PDZRN3: variants seen among roughly 807,000 people sequenced by gnomAD.
PDZRN3 encodes E3 ubiquitin-protein ligase PDZRN3.
Under a neutral mutation model 85.7 loss-of-function variants are expected in PDZRN3, and 38 were observed. That is an observed-to-expected ratio of 0.44 (90% CI 0.34 to 0.58). The LOEUF (loss-of-function observed/expected upper bound fraction) is 0.58, where lower values mean the gene tolerates loss of function less well. Among genes scored for constraint, PDZRN3 ranks in the 20% least tolerant of loss-of-function variants. PDZRN3 has a pLI of 0.01. For missense variants in PDZRN3, 1,629 were observed against 1,506.4 expected, an observed-to-expected ratio of 1.08 and a Z score of -1.35; for synonymous variants, 759 against 638.0, an observed-to-expected ratio of 1.19 and a Z score of -2.86.
chr3:73,398,897 C>A (rs531099277), intron 5 of PDZRN3, among the ~76,000 whole-genome samples: 2 of 152,144 alleles, frequency 1.3e-5, no homozygotes, highest in South Asian at 4.2e-4. Context: ...ATAAAATTAC[C>A]GTAGTTTAAA....
chr3:73,595,582 C>A, intron 3 of PDZRN3, among the ~76,000 whole-genome samples: 2 of 152,144 alleles, frequency 1.3e-5, no homozygotes, highest in African/African-American at 4.8e-5. Flanking sequence ...ATTTGGTTTA[C>A]AGCATATTTT....
At chr3:73,452,839 C>CTCTGTGTGTGTGTG (rs1553690746) in intron 3 of PDZRN3, among the ~76,000 whole-genome samples, 12 of 140,618 alleles carry the variant, frequency 8.5e-5, no homozygotes, top group East Asian at 2.1e-4. Context: ...GTCCATATAT[C>CTCTGTGTGTGTGTG]TGTGTGTGTG....
At chr3:73,587,459 C>T (rs767879862) in intron 3 of PDZRN3, among the ~76,000 whole-genome samples, 14 of 152,088 alleles carry the variant, frequency 9.2e-5, no homozygotes, top group Admixed American at 2.0e-4. Flanking sequence ...GGCCGCACGA[C>T]GGACAAATGT....
Position 73,404,261 on chromosome 3 carries a change from A to G in PDZRN3, c.1053T>C (p.Ser351=), listed in dbSNP as rs1375694762. The G allele has an allele frequency of 6.2e-7, 1 of 1,614,094 alleles. No individual in the cohort carries two copies. The highest frequency in any genetic ancestry group is 8.5e-7 in the Non-Finnish European group (1 of 1,180,020). ...RTKMFTPPSE[S]QLVDTGTQTD... ...TTTGGGTTCCCGTGTCCACCAGCTGAGACTCTGATGGAGGCGTGAACATTT... is the reference window on the plus strand; with the variant it reads ...TTTGGGTTCCCGTGTCCACCAGCTGGGACTCTGATGGAGGCGTGAACATTT... The change falls in exon 4 of 10, where the codon TCT becomes TCC. Residue 351 remains serine, a synonymous_variant. Coordinates refer to ENST00000263666, the MANE Select transcript of PDZRN3 (RefSeq NM_015009.3).
At chr3:73,546,794 T>C (rs185146474) in intron 3 of PDZRN3, among the ~76,000 whole-genome samples, 94 of 152,378 alleles carry the variant, frequency 6.2e-4, no homozygotes, top group Admixed American at 1.8e-3. Flanking sequence ...TTCTGTATCC[T>C]GGAAGATGAA....
At chr3:73,396,049 C>G (rs917309953) in intron 5 of PDZRN3, among the ~76,000 whole-genome samples, 7 of 152,034 alleles carry the variant, frequency 4.6e-5, no homozygotes, top group Admixed American at 3.3e-4. Flanking sequence ...AAGGCGAAAC[C>G]CTGTCTCTAC....
chr3:73,613,386 G>A (rs576488827), intron 1 of PDZRN3, among the ~76,000 whole-genome samples: 1 of 152,240 alleles, frequency 6.6e-6, no homozygotes, highest in South Asian at 2.1e-4. Context: ...AAAGGGGAAG[G>A]GAAACAGATT....
chr3:73,406,057 C>T (rs2106733618), intron 3 of PDZRN3, among the ~76,000 whole-genome samples: 1 of 152,190 alleles, frequency 6.6e-6, no homozygotes, highest in African/African-American at 2.4e-5. Flanking sequence ...TGGATTCAAT[C>T]CACTTAAGTA....
intron 3 of PDZRN3, among the ~76,000 whole-genome samples, chr3:73,517,621 T>A (rs552968486): frequency 6.6e-6 from 1 of 152,220 alleles, no homozygotes; most frequent in Non-Finnish European, 1.5e-5. Flanking sequence ...GTAGAATCTA[T>A]AGCAATGGCA....
intron 3 of PDZRN3, chr3:73,434,009 A>C (rs542879667): frequency 8.4e-7 from 1 of 1,183,776 alleles, no homozygotes. Context: ...TTGTGGTCCA[A>C]TGCACACGCT....
chr3:73,417,941 G>A (rs1166483124), intron 3 of PDZRN3, among the ~76,000 whole-genome samples: 1 of 152,208 alleles, frequency 6.6e-6, no homozygotes, highest in East Asian at 1.9e-4. Context: ...TAACAGTGGA[G>A]ACATCTACGG....
chr3:73,512,017 G>A lies in PDZRN3; in HGVS notation c.918+90337C>T, dbSNP rs116029679. Among the ~76,000 whole-genome samples the A allele has an allele frequency of 4.9e-3, 747 of 152,350 alleles. 4 individuals are homozygous for A. Among genetic ancestry groups the A allele is most frequent in the Middle Eastern group, 0.017 (5 of 294 alleles). On this transcript the variant is annotated intron_variant, in intron 3 of 9. Coordinates refer to ENST00000263666, the MANE Select transcript of PDZRN3 (RefSeq NM_015009.3). ...CACTTATACACTTGCAGAAGTTAAC[G>A]CGCTCCTTTGGTAAGCAAGTTTGTT...
chr3:73,391,041 C>T lies in PDZRN3; in HGVS notation c.1330G>A (p.Asp444Asn), dbSNP rs540586195. 5.6e-6 allele frequency: 9 copies of T among 1,612,944 alleles called. No homozygotes were observed. The highest frequency in any genetic ancestry group is 2.7e-5 in the African/African-American group (2 of 74,956). The change falls in exon 6 of 10, where the codon GAC (aspartate) becomes AAC (asparagine). Residue 444 changes from aspartate (D) to asparagine (N), a missense_variant. Physicochemically the swap from Asp to Asn is conservative, Grantham distance 23. Transcript: ENST00000263666. ...TVCYRTDDED[D>N]IGIYISEIDP... The stretch of plus-strand genomic sequence containing the variant: ...ACCTCACTGATATAAATCCCAATGT[C>T]GTCTTCATCGTCCGTCCGGTAGCAC...
chr3:73,403,365 G>A (rs1045205573), intron 4 of PDZRN3, among the ~76,000 whole-genome samples: 17 of 152,094 alleles, frequency 1.1e-4, no homozygotes, highest in Non-Finnish European at 2.2e-4. Context: ...CTAAATTAAC[G>A]GTGATCGCTG....
At chr3:73,485,559 T>C (rs779308524) in intron 3 of PDZRN3, among the ~76,000 whole-genome samples, 6 of 152,166 alleles carry the variant, frequency 3.9e-5, no homozygotes, top group South Asian at 2.1e-4. Flanking sequence ...CTACAAAGCA[T>C]TGCAAAGAAT....
chr3:73,384,242 G>C lies in PDZRN3; in HGVS notation c.2324C>G (p.Pro775Arg). Residue 775 changes from proline to arginine, a missense_variant, in exon 10 of 10, where the codon CCC becomes CGC. Transcript: ENST00000263666. Reference sequence around the variant, plus strand: ...CGCCGCTCTCCTCAAGGAGTTGTCGGGGGAGATCTCCAGGGTGAGCGGGGT... The same window carrying C: ...CGCCGCTCTCCTCAAGGAGTTGTCGCGGGAGATCTCCAGGGTGAGCGGGGT... Reference protein sequence around the residue: ...RSTPLTLEISPDNSLRRAAEG... With the variant: ...RSTPLTLEISRDNSLRRAAEG... 6.2e-7 allele frequency: 1 copy of C among 1,613,540 alleles called. No individual in the cohort carries two copies. The highest frequency in any genetic ancestry group is 1.6e-4 in the Middle Eastern group (1 of 6,062).
Position 73,523,803 on chromosome 3 carries a change from C to T in PDZRN3, c.918+78551G>A, listed in dbSNP as rs769584353. Among the ~76,000 whole-genome samples the T allele has an allele frequency of 5.9e-5, 9 of 152,266 alleles. No individual in the cohort carries two copies. The South Asian group carries it at 1.0e-3, about 18-fold the overall frequency. On this transcript the variant is annotated intron_variant, in intron 3 of 9. Transcript: ENST00000263666. ...ATTGCTCAGATGTCCTTGGCCACTG[C>T]TTTCTGGAAGCTGCACTCATTTAGG...
At chr3:73,483,204 G>C (rs774914319) in intron 3 of PDZRN3, among the ~76,000 whole-genome samples, 17 of 152,208 alleles carry the variant, frequency 1.1e-4, no homozygotes, top group Non-Finnish European at 2.2e-4. Context: ...AAATCTACAA[G>C]GATGAAGGGA....
At position 73,623,956 on chromosome 3, in the gene PDZRN3, G is replaced by A. The variant is rs1246542246; in HGVS notation, c.723+147C>T. On this transcript the variant is annotated intron_variant, in intron 1 of 9. Coordinates refer to ENST00000263666, the MANE Select transcript of PDZRN3 (RefSeq NM_015009.3). ...GCAGGTTCAGCGACCTGCAAGTAGT[G>A]ATACAGCTGGTAAGCAGTGGAAGAA... is the stretch of plus-strand genomic sequence containing the variant. 3.8e-6 allele frequency: 3 copies of A among 779,400 alleles called. No individual in the cohort carries two copies. The African/African-American group carries it at 5.5e-5, about 14-fold the overall frequency. The allele number at this position is 779,400 out of a possible 1,614,324, so 48.3% of individuals were successfully genotyped here.
Sources: allele counts gnomAD v4.1 joint callset (sites outside exome capture counted in the v4.1 genomes callset), GRCh38; gene constraint gnomAD v4.1.1; transcripts MANE v1.5; gene names NCBI Gene and HGNC (gene_info 2026-07-23, HGNC 2026-07-21).